Variants in IL1RAPL1 observed in about 807,000 individuals in gnomAD.
IL1RAPL1 encodes the protein interleukin-1 receptor accessory protein-like 1.
In IL1RAPL1, 3 loss-of-function variants were observed where a neutral mutation model predicts 48.4. The observed-to-expected ratio is 0.06, with a 90% CI of 0.03 to 0.16. The LOEUF is 0.16. Among genes scored for constraint, IL1RAPL1 ranks in the 10% least tolerant of loss-of-function variants. The pLI, the probability that IL1RAPL1 is intolerant of heterozygous loss-of-function variation, is 1.00. For missense variants in IL1RAPL1, 349 were observed against 530.6 expected (o/e 0.66, Z 3.36); for synonymous variants, 185 against 187.7 (o/e 0.99, Z 0.12).
At chrX:29,304,036 T>A (rs1302523978) in intron 3 of IL1RAPL1, among the ~76,000 whole-genome samples, 1 of 111,754 alleles carries the variant, frequency 8.9e-6, no homozygotes, top group Non-Finnish European at 1.9e-5. Context: ...TTCCTCCTCC[T>A]CCACCGGCAC....
intron 1 of IL1RAPL1, among the ~76,000 whole-genome samples, chrX:28,770,018 A>C (rs2147256305): frequency 8.9e-6 from 1 of 112,041 alleles, no homozygotes; most frequent in Non-Finnish European, 1.9e-5. Flanking sequence ...TACTCTTATT[A>C]TTCCATATAT....
intron 2 of IL1RAPL1, among the ~76,000 whole-genome samples, chrX:29,172,779 T>C (rs939854119): frequency 1.8e-5 from 2 of 111,721 alleles, no homozygotes; most frequent in Non-Finnish European, 3.8e-5. Context: ...CGGAAGACTT[T>C]GGGGAATCAT....
At chrX:29,317,676 G>T (rs1162432801) in intron 3 of IL1RAPL1, among the ~76,000 whole-genome samples, 1 of 112,169 alleles carries the variant, frequency 8.9e-6, no homozygotes, top group South Asian at 3.7e-4. Context: ...AAAAGGACAT[G>T]ATTACACATG....
At chrX:28,871,822 G>T (rs1922214301) in intron 2 of IL1RAPL1, among the ~76,000 whole-genome samples, 1 of 111,976 alleles carries the variant, frequency 8.9e-6, no homozygotes, top group African/African-American at 3.2e-5. Context: ...TTAAAAGCAT[G>T]GACTTTGGTG....
At chrX:28,674,396 G>A (rs1421666350) in intron 1 of IL1RAPL1, among the ~76,000 whole-genome samples, 1 of 111,353 alleles carries the variant, frequency 9.0e-6, no homozygotes, top group Admixed American at 9.5e-5. Flanking sequence ...TTTAAATTAA[G>A]TATCTATTTT....
chrX:29,057,649 G>C (rs1441797656), intron 2 of IL1RAPL1, among the ~76,000 whole-genome samples: 1 of 110,653 alleles, frequency 9.0e-6, no homozygotes, highest in Non-Finnish European at 1.9e-5. Context: ...GGCTGGTCTC[G>C]AACTCTTGAC....
At chrX:29,353,752 C>T (rs1220880183) in intron 3 of IL1RAPL1, among the ~76,000 whole-genome samples, 1 of 110,092 alleles carries the variant, frequency 9.1e-6, no homozygotes, top group Non-Finnish European at 1.9e-5. Flanking sequence ...GAGGATGAAA[C>T]ACTTGAAAAA....
Position 29,101,661 on chromosome X carries a change from C to T in IL1RAPL1, c.83-181277C>T, listed in dbSNP as rs188011419. ...TTAAAAAGATCATTCATCAGCTGGG[C>T]GCGGTGGCTCATGCCTGTAATCCCA... On this transcript the variant is annotated intron_variant, in intron 2 of 10. Coordinates refer to ENST00000378993, the MANE Select transcript of IL1RAPL1 (RefSeq NM_014271.4). Among the ~76,000 whole-genome samples the T allele has an allele frequency of 8.5e-4, 95 of 112,133 alleles. No homozygotes were observed. The Middle Eastern group carries it at 0.014, about 16-fold the overall frequency.
chrX:28,766,480 A>T (rs915080781), intron 1 of IL1RAPL1, among the ~76,000 whole-genome samples: 3 of 111,303 alleles, frequency 2.7e-5, no homozygotes, highest in Non-Finnish European at 5.7e-5. Flanking sequence ...AATGTGAAAT[A>T]ATCAAATCAT....
At chrX:29,795,350 C>T (rs5973000) in intron 6 of IL1RAPL1, among the ~76,000 whole-genome samples, 2,735 of 111,923 alleles carry the variant, frequency 0.024, 85 homozygotes, top group African/African-American at 0.084. Flanking sequence ...TAAATTTCAA[C>T]CATATAAACT....
intron 5 of IL1RAPL1, among the ~76,000 whole-genome samples, chrX:29,579,659 T>C (rs940854049): frequency 2.7e-5 from 3 of 112,115 alleles, no homozygotes; most frequent in Non-Finnish European, 3.8e-5. Context: ...GTTGACTCCT[T>C]CATGAACTTT....
At chrX:28,861,033 A>G (rs1197689740) in intron 2 of IL1RAPL1, among the ~76,000 whole-genome samples, 1 of 111,527 alleles carries the variant, frequency 9.0e-6, no homozygotes, top group Non-Finnish European at 1.9e-5. Context: ...TCTGTTTATA[A>G]GAATTTTTTT....
chrX:29,014,259 C>T (rs1242783834), intron 2 of IL1RAPL1, among the ~76,000 whole-genome samples: 1 of 111,738 alleles, frequency 8.9e-6, no homozygotes, highest in Non-Finnish European at 1.9e-5. Flanking sequence ...GGTTAAATTC[C>T]GAGCATCTTC....
At chrX:29,047,328 C>T (rs1219063988) in intron 2 of IL1RAPL1, among the ~76,000 whole-genome samples, 1 of 111,898 alleles carries the variant, frequency 8.9e-6, no homozygotes, top group African/African-American at 3.2e-5. Flanking sequence ...GCAACTGCCA[C>T]TATCCCTCAT....
chrX:28,891,404 A>G (rs1922767416), intron 2 of IL1RAPL1, among the ~76,000 whole-genome samples: 1 of 112,231 alleles, frequency 8.9e-6, no homozygotes, highest in Non-Finnish European at 1.9e-5. Flanking sequence ...TTGCATAAGC[A>G]TCACTACAAA....
chrX:28,977,424 T>A (rs1366494191), intron 2 of IL1RAPL1, among the ~76,000 whole-genome samples: 1 of 110,956 alleles, frequency 9.0e-6, no homozygotes, highest in Non-Finnish European at 1.9e-5. Flanking sequence ...AACAACCAGA[T>A]CTCATAAGAA....
At chrX:29,631,165 A>G (rs1455113166) in intron 5 of IL1RAPL1, among the ~76,000 whole-genome samples, 1 of 112,344 alleles carries the variant, frequency 8.9e-6, no homozygotes, top group Admixed American at 9.4e-5. Context: ...TGTGACTGTT[A>G]CATTTGTTTC....
At chrX:29,581,544 T>C (rs1307866680) in intron 5 of IL1RAPL1, among the ~76,000 whole-genome samples, 2 of 112,208 alleles carry the variant, frequency 1.8e-5, no homozygotes, top group African/African-American at 6.5e-5. Flanking sequence ...TCTATTATTG[T>C]TGAGATTTTT....
intron 2 of IL1RAPL1, among the ~76,000 whole-genome samples, chrX:29,246,005 G>A (rs1009667445): frequency 2.7e-5 from 3 of 110,734 alleles, no homozygotes; most frequent in Admixed American, 1.9e-4. Context: ...CTGTCTTAAA[G>A]TATAAAATAA....
Sources: gnomAD v4.1 joint callset for allele counts (sites outside exome capture counted in the v4.1 genomes callset) on GRCh38, gnomAD v4.1.1 for gene constraint, MANE v1.5 for transcripts, NCBI Gene and HGNC (gene_info 2026-07-23, HGNC 2026-07-21) for gene names.